FAM227B: variants seen among roughly 807,000 people sequenced by gnomAD.
The protein encoded by FAM227B is family with sequence similarity 227 member B.
FAM227B carries 88 observed loss-of-function variants against 73.8 expected under a neutral mutation model. The observed-to-expected ratio is 1.19, with a 90% CI of 1.00 to 1.42. FAM227B has a LOEUF of 1.42. FAM227B is among the 40% of genes most tolerant of loss of function. The pLI is 0.00. For missense variants in FAM227B, 632 were observed against 590.9 expected (o/e 1.07, Z -0.72); for synonymous variants, 210 against 190.5 (o/e 1.10, Z -0.84).
At chr15:49,584,680 G>A (rs1451740807) in intron 5 of FAM227B, among the ~76,000 whole-genome samples, 1 of 152,092 alleles carries the variant, frequency 6.6e-6, no homozygotes, top group Non-Finnish European at 1.5e-5. Flanking sequence ...CAAAATTAAT[G>A]TATAAAAATC....
intron 14 of FAM227B, 99 bp downstream of exon 14, chr15:49,335,317 TCTC>T (rs531718233): frequency 1.2e-4 from 89 of 712,612 alleles, no homozygotes; most frequent in Non-Finnish European, 1.9e-4. Flanking sequence ...CAGACATGAC[TCTC>T]CTCATCATTA....
intron 9 of FAM227B, among the ~76,000 whole-genome samples, chr15:49,563,655 C>A (rs1043515596): frequency 1.3e-5 from 2 of 152,086 alleles, no homozygotes; most frequent in Non-Finnish European, 1.5e-5. Context: ...CACAGACAAA[C>A]AGAACAGGAC....
intron 10 of FAM227B, among the ~76,000 whole-genome samples, chr15:49,527,393 A>G (rs191446602): frequency 5.4e-4 from 82 of 152,134 alleles, no homozygotes; most frequent in African/African-American, 1.9e-3. Flanking sequence ...TCAAACACAC[A>G]GCCAACATCA....
chr15:49,329,386 C>T (rs1451640542), intron 15 of FAM227B: 3 of 984,986 alleles, frequency 3.0e-6, no homozygotes, highest in Non-Finnish European at 3.6e-6. Flanking sequence ...ATTGAGATAG[C>T]AATGGTTTTA....
chr15:49,600,894 T>A (rs1330299335), intron 3 of FAM227B, among the ~76,000 whole-genome samples: 2 of 150,358 alleles, frequency 1.3e-5, no homozygotes, highest in African/African-American at 2.4e-5. Flanking sequence ...TACCAAAAAT[T>A]AGCTGGGTGT....
intron 2 of FAM227B, among the ~76,000 whole-genome samples, chr15:49,611,576 T>C (rs55880877): frequency 0.015 from 2,227 of 152,294 alleles, 70 homozygotes; most frequent in African/African-American, 0.051. Context: ...CCAAGATATT[T>C]TGGGCTATCA....
At chr15:49,467,530 A>G (rs910040908) in intron 11 of FAM227B, among the ~76,000 whole-genome samples, 1 of 152,092 alleles carries the variant, frequency 6.6e-6, no homozygotes, top group African/African-American at 2.4e-5. Context: ...AATGGAAGAG[A>G]TTTTCTAGAT....
At chr15:49,331,501 G>A (rs1427342290) in intron 15 of FAM227B, 2 of 368,376 alleles carry the variant, frequency 5.4e-6, no homozygotes, top group Non-Finnish European at 9.8e-6. Context: ...AAACATCAGT[G>A]ATTATTAGTT....
At chr15:49,441,982 G>A (rs183862075) in intron 11 of FAM227B, among the ~76,000 whole-genome samples, 4 of 151,162 alleles carry the variant, frequency 2.6e-5, no homozygotes, top group East Asian at 2.0e-4. Context: ...CCTTGAGGGC[G>A]GGGAACTTTT....
intron 11 of FAM227B, among the ~76,000 whole-genome samples, chr15:49,465,472 GATAA>G (rs1277431288): frequency 6.6e-6 from 1 of 151,980 alleles, no homozygotes; most frequent in African/African-American, 2.4e-5. Flanking sequence ...GAGCAAGATA[GATAA>G]ATAGATATGC....
intron 10 of FAM227B, among the ~76,000 whole-genome samples, chr15:49,524,426 G>A (rs1248364523): frequency 3.9e-5 from 6 of 152,160 alleles, no homozygotes; most frequent in East Asian, 1.9e-4. Flanking sequence ...GGGAACGTCC[G>A]CCTAGATTTC....
intron 11 of FAM227B, among the ~76,000 whole-genome samples, chr15:49,467,178 A>G (rs1420528613): frequency 6.6e-6 from 1 of 152,186 alleles, no homozygotes; most frequent in African/African-American, 2.4e-5. Context: ...TGTGTAGTTT[A>G]TCATCTAAGC....
intron 9 of FAM227B, among the ~76,000 whole-genome samples, chr15:49,556,581 T>G (rs1472854479): frequency 6.6e-6 from 1 of 152,196 alleles, no homozygotes. Flanking sequence ...AGAGCTTTAA[T>G]GTAGGCCCCC....
chr15:49,530,271 A>C (rs1207181049), intron 10 of FAM227B, among the ~76,000 whole-genome samples: 1 of 141,154 alleles, frequency 7.1e-6, no homozygotes, highest in Non-Finnish European at 1.6e-5. Context: ...TTCAGTTTGG[A>C]ATGTTTACTT....
At chr15:49,594,098 A>T (rs886088351) in intron 3 of FAM227B, among the ~76,000 whole-genome samples, 2 of 152,010 alleles carry the variant, frequency 1.3e-5, no homozygotes, top group African/African-American at 4.8e-5. Flanking sequence ...ATTATATATA[A>T]TTTTTTAATT....
intron 11 of FAM227B, chr15:49,489,471 A>G: frequency 1.8e-6 from 1 of 546,438 alleles, no homozygotes; most frequent in Non-Finnish European, 2.3e-6. Flanking sequence ...AGAACTCCCA[A>G]TGTAGCTGCA....
At chr15:49,426,713 T>C (rs1017548366) in intron 11 of FAM227B, among the ~76,000 whole-genome samples, 2 of 151,580 alleles carry the variant, frequency 1.3e-5, no homozygotes, top group African/African-American at 4.8e-5. Context: ...ACCAATTCTA[T>C]AGCACAAAAG....
chr15:49,339,314 C>CTT (rs1478366059), intron 13 of FAM227B, among the ~76,000 whole-genome samples: 1 of 152,146 alleles, frequency 6.6e-6, no homozygotes, highest in East Asian at 1.9e-4. Flanking sequence ...GATGGGGTCT[C>CTT]TGAGTGGACA....
chr15:49,404,150 T>C (rs776374870), intron 11 of FAM227B, among the ~76,000 whole-genome samples: 1 of 152,206 alleles, frequency 6.6e-6, no homozygotes, highest in Non-Finnish European at 1.5e-5. Flanking sequence ...ATTTGAGTTC[T>C]GCATTTGCTG....
Sources: gnomAD v4.1 joint callset for allele counts (sites outside exome capture counted in the v4.1 genomes callset) on GRCh38, gnomAD v4.1.1 for gene constraint, MANE v1.5 for transcripts, NCBI Gene and HGNC (gene_info 2026-07-23, HGNC 2026-07-21) for gene names.